The following NELL2 variants were observed in gnomAD, a reference collection of about 807,000 sequenced individuals.
NELL2 encodes protein kinase C-binding protein NELL2.
Under a neutral mutation model 109.6 loss-of-function variants are expected in NELL2, and 41 were observed. The observed-to-expected ratio is 0.37, with a 90% CI of 0.29 to 0.49. The LOEUF (loss-of-function observed/expected upper bound fraction) is 0.49, where lower values mean the gene tolerates loss of function less well. NELL2 is among the 20% of genes least tolerant of loss of function. NELL2 has a pLI of 0.98. For missense variants in NELL2, 900 were observed against 1,008.3 expected, an observed-to-expected ratio of 0.89 and a Z score of 1.45; for synonymous variants, 355 against 344.7, an observed-to-expected ratio of 1.03 and a Z score of -0.33.
At chr12:44,757,737 T>C (rs1003851082) in intron 9 of NELL2, among the ~76,000 whole-genome samples, 1 of 152,102 alleles carries the variant, frequency 6.6e-6, no homozygotes, top group Non-Finnish European at 1.5e-5. Context: ...TAAATTCTCC[T>C]TTTTAATACT....
intron 2 of NELL2, among the ~76,000 whole-genome samples, chr12:44,816,745 C>CTT (rs1399061024): frequency 6.6e-6 from 1 of 152,196 alleles, no homozygotes; most frequent in African/African-American, 2.4e-5. Context: ...ATACGTAGAA[C>CTT]TTAATTCCCA....
At chr12:44,548,449 T>A (rs1942892657) in intron 15 of NELL2, among the ~76,000 whole-genome samples, 1 of 151,472 alleles carries the variant, frequency 6.6e-6, no homozygotes, top group Non-Finnish European at 1.5e-5. Context: ...GGAGGCTTAG[T>A]CAGGAGAATC....
intron 11 of NELL2, among the ~76,000 whole-genome samples, chr12:44,708,794 C>G (rs546588207): frequency 6.6e-6 from 1 of 152,064 alleles, no homozygotes; most frequent in African/African-American, 2.4e-5. Flanking sequence ...AATAGTAATG[C>G]CAAGGCCCCA....
chr12:44,684,234 A>T (rs968531566), intron 12 of NELL2, among the ~76,000 whole-genome samples: 14 of 152,176 alleles, frequency 9.2e-5, no homozygotes, highest in Admixed American at 5.2e-4. Context: ...CTCTGATGGT[A>T]GTTTGTATTT....
In NELL2 at chr12:44,703,476, C is replaced by T. The variant is rs571722524; in HGVS notation, c.1318+250G>A. ...TATCTAATTATGAAAAAAAAGAAGG[C>T]AATTTCACAGTGGAAGAATTGTTCT... On this transcript the variant is annotated intron_variant, in intron 12 of 19. Transcript: ENST00000429094. Among the ~76,000 whole-genome samples the T allele has an allele frequency of 5.9e-5, 9 of 152,178 alleles. 1 individual carries two copies. The East Asian group carries it at 1.5e-3, about 26-fold the overall frequency.
upstream of NELL2, among the ~76,000 whole-genome samples, chr12:44,915,766 C>T (rs1027953416): frequency 6.6e-6 from 1 of 152,016 alleles, no homozygotes; most frequent in Non-Finnish European, 1.5e-5. Context: ...CTGCCATCTG[C>T]ATTTTGTAGG....
chr12:44,657,448 T>A (rs1947549069), intron 13 of NELL2, among the ~76,000 whole-genome samples: 1 of 152,206 alleles, frequency 6.6e-6, no homozygotes, highest in Admixed American at 6.5e-5. Flanking sequence ...CTTCACACAT[T>A]GTCTTATGAG....
intron 15 of NELL2, among the ~76,000 whole-genome samples, chr12:44,587,284 A>AAAAAAAAAAAAATATATATATATATATAT: frequency 4.2e-5 from 3 of 72,212 alleles, no homozygotes; most frequent in East Asian, 5.7e-4. Flanking sequence ...AAAAAAAAAA[A>AAAAAAAAAAAAATATATATATATATATAT]ATATATATAT....
At chr12:44,852,579 A>C (rs1051177088) in intron 2 of NELL2, among the ~76,000 whole-genome samples, 1 of 152,194 alleles carries the variant, frequency 6.6e-6, no homozygotes, top group Non-Finnish European at 1.5e-5. Context: ...ATCAGTCCTG[A>C]AAAGTTTTAG....
At chr12:44,615,907 T>C (rs964737304) in intron 13 of NELL2, among the ~76,000 whole-genome samples, 2 of 152,142 alleles carry the variant, frequency 1.3e-5, no homozygotes, top group Non-Finnish European at 2.9e-5. Flanking sequence ...TAACAACATG[T>C]TCAAGTTCAA....
chr12:44,704,934 G>C (rs1325305654), intron 11 of NELL2, among the ~76,000 whole-genome samples: 4 of 150,614 alleles, frequency 2.7e-5, no homozygotes, highest in Non-Finnish European at 5.9e-5. Flanking sequence ...CAGGAAAATT[G>C]CTTCAACCCG....
At chr12:44,698,254 G>T (rs748704779) in intron 12 of NELL2, among the ~76,000 whole-genome samples, 25 of 152,298 alleles carry the variant, frequency 1.6e-4, no homozygotes, top group Non-Finnish European at 2.8e-4. Flanking sequence ...GTAAATGTGA[G>T]GTGGGGTGTG....
intron 9 of NELL2, among the ~76,000 whole-genome samples, chr12:44,769,710 C>T (rs1261381115): frequency 6.6e-6 from 1 of 152,078 alleles, no homozygotes; most frequent in African/African-American, 2.4e-5. Context: ...GGCAAACTAC[C>T]TAACTGCCAT....
chr12:44,613,600 C>T (rs994276845), intron 13 of NELL2, among the ~76,000 whole-genome samples: 7 of 151,954 alleles, frequency 4.6e-5, no homozygotes, highest in Non-Finnish European at 8.8e-5. Context: ...ATATTAATTC[C>T]TTTACACTAT....
At chr12:44,736,902 A>G (rs958950174) in intron 9 of NELL2, among the ~76,000 whole-genome samples, 5 of 152,054 alleles carry the variant, frequency 3.3e-5, no homozygotes, top group Non-Finnish European at 7.4e-5. Flanking sequence ...TAAAAATAAT[A>G]GAAAATTTCC....
At chr12:44,550,837 G>C (rs1398658931) in intron 15 of NELL2, among the ~76,000 whole-genome samples, 2 of 152,114 alleles carry the variant, frequency 1.3e-5, no homozygotes, top group Admixed American at 6.6e-5. Context: ...CAGCAAGGTA[G>C]AATGGTGTTT....
chr12:44,838,896 T>G (rs894366620), intron 2 of NELL2, among the ~76,000 whole-genome samples: 9 of 152,206 alleles, frequency 5.9e-5, no homozygotes, highest in African/African-American at 2.2e-4. Flanking sequence ...GCCACAACTG[T>G]AAGTGAGTTC....
rs537937973 is a variant in NELL2 at position 44,550,577 on chromosome 12, A to G, written c.1664-17856T>C. ...TAAATAAATAAATAAATAAATAAAT[A>G]AATAAATAAATAAATAGCCGAGTTA... is the stretch of plus-strand genomic sequence containing the variant. On this transcript the variant is annotated intron_variant, in intron 15 of 19. Coordinates refer to ENST00000429094, the MANE Select transcript of NELL2 (RefSeq NM_001145108.2). 1.4e-3 allele frequency among the ~76,000 whole-genome samples: 204 copies of G among 150,540 alleles called. 1 individual carries two copies. The highest frequency in any genetic ancestry group is 3.8e-3 in the Admixed American group (58 of 15,166).
intron 1 of NELL2, 31 bp downstream of exon 1, chr12:44,875,784 T>C (rs1453466846): frequency 6.2e-7 from 1 of 1,612,598 alleles, no homozygotes; most frequent in Non-Finnish European, 8.5e-7. Flanking sequence ...GAGCCATCCC[T>C]TTCCCCAGCC....
Sources: allele counts gnomAD v4.1 joint callset (sites outside exome capture counted in the v4.1 genomes callset), GRCh38; gene constraint gnomAD v4.1.1; transcripts MANE v1.5; gene names NCBI Gene and HGNC (gene_info 2026-07-23, HGNC 2026-07-21).